The following LRRC9 variants were observed in gnomAD, a reference collection of about 807,000 sequenced individuals.
LRRC9 encodes leucine-rich repeat-containing protein 9.
Under a neutral mutation model 63.2 loss-of-function variants are expected in LRRC9, and 122 were observed. The observed-to-expected ratio is 1.93, with a 90% CI of 1.67 to 2.24. The LOEUF is 2.24. LRRC9 is among the 30% of genes most tolerant of loss of function. The pLI, the probability that LRRC9 is intolerant of heterozygous loss-of-function variation, is 0.00. For synonymous variants in LRRC9, 366 were observed against 213.1 expected (o/e 1.72, Z -6.25); for missense variants, 1,071 against 627.7 (o/e 1.71, Z -7.55).
chr14:60,066,665 AG>A (rs1894889239), downstream of LRRC9, among the ~76,000 whole-genome samples: 1 of 152,204 alleles, frequency 6.6e-6, no homozygotes, highest in South Asian at 2.1e-4. Context: ...TTAAATTCTC[AG>A]TTGCCTTTTA....
chr14:60,024,084 T>G (rs1215089435), intron 27 of LRRC9, among the ~76,000 whole-genome samples: 1 of 152,134 alleles, frequency 6.6e-6, no homozygotes, highest in Non-Finnish European at 1.5e-5. Context: ...TTTGCTATTG[T>G]GAATAGTGCT....
intron 23 of LRRC9, among the ~76,000 whole-genome samples, chr14:60,012,664 T>G (rs1162960484): frequency 1.3e-5 from 2 of 152,188 alleles, no homozygotes; most frequent in Non-Finnish European, 2.9e-5. Flanking sequence ...TAAATAAAAC[T>G]TTATTGGAAC....
chr14:60,063,335 C>A (rs1894778076), exon 32 of LRRC9: 1 of 700,794 alleles, frequency 1.4e-6, no homozygotes, highest in Admixed American at 2.0e-5. Flanking sequence ...TTTTTGGGAG[C>A]AACTTTCCAA....
intron 23 of LRRC9, among the ~76,000 whole-genome samples, chr14:60,015,452 C>T (rs1312389973): frequency 6.6e-6 from 1 of 152,096 alleles, no homozygotes; most frequent in Non-Finnish European, 1.5e-5. Flanking sequence ...CGAGGAACAA[C>T]TTTGTTGCTG....
intron 10 of LRRC9, among the ~76,000 whole-genome samples, chr14:59,961,657 C>A (rs1370578463): frequency 1.3e-5 from 2 of 152,018 alleles, no homozygotes; most frequent in Non-Finnish European, 2.9e-5. Flanking sequence ...AATGGAGAGA[C>A]ACCAGAATCA....
At chr14:60,050,535 C>T (rs1937793418) in intron 29 of LRRC9, among the ~76,000 whole-genome samples, 1 of 152,084 alleles carries the variant, frequency 6.6e-6, no homozygotes, top group Non-Finnish European at 1.5e-5. Context: ...CAGCGAAGTT[C>T]GTTATTACCC....
In LRRC9 at chr14:60,051,198, C is replaced by T. The variant is rs1370638053; in HGVS notation, c.3991-1867C>T. ...TGGAAAAGCTGAGTCAACCAAACAACAGAGACACTGTCTGCCTCTCCCCAC... is the reference window on the plus strand; with the variant it reads ...TGGAAAAGCTGAGTCAACCAAACAATAGAGACACTGTCTGCCTCTCCCCAC... On this transcript the variant is annotated intron_variant, in intron 29 of 31. Transcript: ENST00000445360. This position sits in a 1 kb window ranked among gnomAD's most constrained non-coding sequence, Gnocchi z 4.7. Among the ~76,000 whole-genome samples, 2 of 152,158 alleles carry T rather than the reference C, an allele frequency of 1.3e-5. No individual in the cohort carries two copies. Among genetic ancestry groups the T allele is most frequent in the Admixed American group, 6.5e-5 (1 of 15,280 alleles).
At chr14:60,045,232 T>G (rs979966367) in intron 29 of LRRC9, among the ~76,000 whole-genome samples, 1 of 152,120 alleles carries the variant, frequency 6.6e-6, no homozygotes, top group African/African-American at 2.4e-5. Context: ...AGGCAGCATA[T>G]AGTTGGGTCT....
At chr14:60,048,546 T>C (rs759127093) in intron 29 of LRRC9, among the ~76,000 whole-genome samples, 5 of 151,954 alleles carry the variant, frequency 3.3e-5, no homozygotes, top group Admixed American at 1.3e-4. Flanking sequence ...CTAGAAGAAA[T>C]GGATAAATTC....
In LRRC9 at chr14:59,921,717, AT is replaced by A. The variant is rs57938700; in HGVS notation, c.-34+1855del. Among the ~76,000 whole-genome samples the A allele has an allele frequency of 8.7e-3, 1,050 of 121,156 alleles. 4 individuals carry two copies. The highest frequency in any genetic ancestry group is 0.021 in the African/African-American group (678 of 32,158). 79.5% of individuals were successfully genotyped at this position (121,156 alleles called of 152,430 possible). On this transcript the variant is annotated intron_variant, in intron 1 of 31. Transcript: ENST00000445360. ...GGAGCTTTTTCATGTGGGCAGTTGG[AT>A]TTTTTTTTTTTTTTTTTTTTGCACA...
chr14:59,992,010 C>G (rs1210539970), intron 17 of LRRC9, among the ~76,000 whole-genome samples: 3 of 152,140 alleles, frequency 2.0e-5, no homozygotes, highest in Admixed American at 6.5e-5. Flanking sequence ...AGACAGACTG[C>G]CTCCTCAAGT....
intron 8 of LRRC9, among the ~76,000 whole-genome samples, chr14:59,953,041 C>G (rs1401218463): frequency 1.3e-5 from 2 of 152,220 alleles, no homozygotes. Flanking sequence ...GCCACATTTT[C>G]TTTATCCAGT....
chr14:59,938,968 TACATATATACATATATACAC>T lies in LRRC9; in HGVS notation c.726+412_726+431del, dbSNP rs1260285192. On this transcript the variant is annotated intron_variant, in intron 7 of 31. Transcript: ENST00000445360. The surrounding 1 kb of genome is among the most constrained non-coding windows in gnomAD (Gnocchi z 4.2). ...ATACATACATATATACACACATATA[TACATATATACATATATACAC>T]ACATATATACATATACATATATACA... is the stretch of plus-strand genomic sequence containing the variant. Among the ~76,000 whole-genome samples the T allele has an allele frequency of 6.8e-6, 1 of 146,486 alleles. No homozygotes were observed. Among genetic ancestry groups the T allele is most frequent in the African/African-American group, 2.5e-5 (1 of 39,940 alleles).
At position 60,053,895 on chromosome 14, in the gene LRRC9, G is replaced by T. The variant is rs773956973; in HGVS notation, c.4131+690G>T. The stretch of plus-strand genomic sequence containing the variant: ...AACAGAGAAGTAACATTATTAGAAT[G>T]CTGTGGTTTGAGAAAAAAAGAGGCT... On this transcript the variant is annotated intron_variant, in intron 30 of 31. Coordinates refer to ENST00000445360, the Ensembl canonical transcript of LRRC9. The surrounding 1 kb of genome is among the most constrained non-coding windows in gnomAD (Gnocchi z 4.8). The T allele has an allele frequency of 2.2e-5, 10 of 455,326 alleles. No individual in the cohort carries two copies. The highest frequency in any genetic ancestry group is 4.4e-5 in the Non-Finnish European group (10 of 226,554). 28.2% of individuals were successfully genotyped at this position (455,326 alleles called of 1,614,324 possible). A position where few individuals can be genotyped will look rare whatever the true frequency, so the allele number is the denominator to read the frequency against.
chr14:59,995,210 T>C (rs1290831136), intron 17 of LRRC9, among the ~76,000 whole-genome samples: 1 of 152,124 alleles, frequency 6.6e-6, no homozygotes, highest in Non-Finnish European at 1.5e-5. Flanking sequence ...CAAATTGAAA[T>C]GTAATAAGCT....
At chr14:59,997,634 C>G (rs1182639798) in intron 17 of LRRC9, 22 bp from the exon 18 acceptor site, 1 of 644,316 alleles carries the variant, frequency 1.6e-6, no homozygotes, top group South Asian at 1.7e-5. Flanking sequence ...CTTAGCATCA[C>G]TTTTATTTAT....
Position 60,017,373 on chromosome 14 carries a change from G to A in LRRC9, c.3317+583G>A, listed in dbSNP as rs147733856. On this transcript the variant is annotated intron_variant, in intron 24 of 31. Transcript: ENST00000445360. This position sits in a 1 kb window ranked among gnomAD's most constrained non-coding sequence, Gnocchi z 4.0. ...CTCCCTTTGTTTTTCCTGTTGCACT[G>A]CCTAGAACTCTTTTCTGCTAATTTG... is the stretch of plus-strand genomic sequence containing the variant. 5.3e-4 allele frequency among the ~76,000 whole-genome samples: 81 copies of A among 151,980 alleles called. 2 individuals carry two copies. The East Asian group carries it at 0.015, about 29-fold the overall frequency.
At chr14:60,006,727 AAATAAG>A (rs1177036696) in intron 22 of LRRC9, 110 bp downstream of exon 22, 6 of 531,140 alleles carry the variant, frequency 1.1e-5, no homozygotes, top group South Asian at 5.8e-5. Flanking sequence ...AAGAAAATAA[AAATAAG>A]AATAACAAGT....
intron 27 of LRRC9, among the ~76,000 whole-genome samples, chr14:60,026,365 G>A (rs1303233944): frequency 6.6e-6 from 1 of 152,032 alleles, no homozygotes; most frequent in Non-Finnish European, 1.5e-5. Context: ...GTAATGCTGA[G>A]CATTTTTCCA....
Sources: allele counts gnomAD v4.1 joint callset (sites outside exome capture counted in the v4.1 genomes callset), GRCh38; gene constraint gnomAD v4.1.1; non-coding constraint Gnocchi (gnomAD v3.1); transcripts MANE v1.5; gene names NCBI Gene and HGNC (gene_info 2026-07-23, HGNC 2026-07-21).